Variants in CLCNKB observed in about 807,000 individuals in gnomAD.
The protein encoded by CLCNKB is chloride voltage-gated channel Kb, also known as chloride channel protein ClC-Kb.
A neutral mutation model predicts 83.8 loss-of-function variants in CLCNKB; 74 were observed. That is an observed-to-expected ratio of 0.88 (90% CI 0.73 to 1.07). The LOEUF (loss-of-function observed/expected upper bound fraction) is 1.07. CLCNKB is among the 50% of genes least tolerant of loss of function. The pLI, the probability that CLCNKB is intolerant of heterozygous loss-of-function variation, is 0.00. For synonymous variants in CLCNKB, 358 were observed against 356.6 expected, an observed-to-expected ratio of 1.00 and a Z score of -0.04; for missense variants, 798 against 893.6, an observed-to-expected ratio of 0.89 and a Z score of 1.36.
At chr1:16,049,770 T>C (rs1448790333) in intron 9 of CLCNKB, 45 bp from the exon 10 acceptor site, 1 of 1,613,362 alleles carries the variant, frequency 6.2e-7, no homozygotes. Context: ...CTGCGGCCCC[T>C]GGTACTGGGG....
chr1:16,047,009 G>T lies in CLCNKB; in HGVS notation c.358+346G>T, dbSNP rs1570330486. 2.6e-5 allele frequency among the ~76,000 whole-genome samples: 4 copies of T among 152,304 alleles called. No individual in the cohort carries two copies. In the South Asian group the frequency reaches 6.2e-4, roughly 24 times the overall value. On this transcript the variant is annotated intron_variant, in intron 4 of 19. Coordinates refer to ENST00000375679, the MANE Select transcript of CLCNKB (RefSeq NM_000085.5). ...CCAGGCCAGCAGAGGGGAGCTCAAA[G>T]CTCACTCAGTGGTGGCCTGAGATTT...
At chr1:16,051,263 G>A (rs1167668577) in intron 12 of CLCNKB, among the ~76,000 whole-genome samples, 1 of 152,176 alleles carries the variant, frequency 6.6e-6, no homozygotes, top group African/African-American at 2.4e-5. Context: ...GGAAGGCTAA[G>A]GAGGAAGAAA....
At position 16,055,670 on chromosome 1, in the gene CLCNKB, C is replaced by G. The variant is rs1183117234; in HGVS notation, c.1846-5C>G. ...CCTGCACCTGTAACCCTTCCCCACC[C>G]CCAGCAGTGTCTCCAGGACATCTTG... On this transcript the variant is annotated splice_region_variant and splice_polypyrimidine_tract_variant and intron_variant, in intron 17 of 19. Transcript: ENST00000375679. 5 of 1,613,650 alleles carry G rather than the reference C, an allele frequency of 3.1e-6. No individual in the cohort carries two copies. The African/African-American group carries it at 5.3e-5, about 17-fold the overall frequency.
intron 16 of CLCNKB, among the ~76,000 whole-genome samples, chr1:16,054,198 T>C (rs1337034169): frequency 1.3e-5 from 2 of 152,210 alleles, no homozygotes; most frequent in African/African-American, 2.4e-5. Flanking sequence ...TGGAACTCAC[T>C]TCTTGCAGAA....
chr1:16,049,861 A>G lies in CLCNKB; in HGVS notation c.913A>G (p.Ile305Val). Reference sequence around the variant, plus strand: ...CAGCGCTTACCTCTTCTGTCAGCGAATCTTCTTTGGCTTCATCAGGAACAA... The same window carrying G: ...CAGCGCTTACCTCTTCTGTCAGCGAGTCTTCTTTGGCTTCATCAGGAACAA... ...LGSAYLFCQRIFFGFIRNNRF... is the reference protein window; with the variant it reads ...LGSAYLFCQRVFFGFIRNNRF... Residue 305 changes from isoleucine (I) to valine (V), a missense_variant, in exon 10 of 20, where the codon ATC (isoleucine) becomes GTC (valine). By Grantham distance (29) the Ile-to-Val change is conservative. Coordinates refer to ENST00000375679, the MANE Select transcript of CLCNKB (RefSeq NM_000085.5). 6.2e-7 allele frequency: 1 copy of G among 1,613,820 alleles called. No individual in the cohort carries two copies. The highest frequency in any genetic ancestry group is 2.2e-5 in the East Asian group (1 of 44,868).
chr1:16,046,614 C>A lies in CLCNKB; in HGVS notation c.309C>A (p.Leu103=), dbSNP rs772320740. 6.2e-7 allele frequency: 1 copy of A among 1,614,168 alleles called. No homozygotes were observed. The highest frequency in any genetic ancestry group is 2.2e-5 in the East Asian group (1 of 44,888). ...CCTGGACTGTGTACCCTGTGGCCCT[C>A]GTCTCTTTCTCTTCAGGCTTCTCTC... ...YLSWTVYPVA[L]VSFSSGFSQS... The change falls in exon 4 of 20, where the codon CTC becomes CTA. Residue 103 remains leucine (L), a synonymous_variant. Transcript: ENST00000375679.
chr1:16,055,743 G>C lies in CLCNKB; in HGVS notation c.1914G>C (p.Glu638Asp). The C allele has an allele frequency of 6.2e-7, 1 of 1,613,880 alleles. No individual in the cohort carries two copies. Among genetic ancestry groups the C allele is most frequent in the Non-Finnish European group, 8.5e-7 (1 of 1,179,986 alleles). Residue 638 changes from glutamate (E) to aspartate (D), a missense_variant, in exon 18 of 20, where the codon GAG becomes GAC. Transcript: ENST00000375679. ...TEPVTLKLSP[E>D]TSLHEAHNLF... ...CAGTGACCCTGAAGCTGTCCCCAGA[G>C]ACTTCCCTGCATGAGGTAACGGGGA... is the stretch of plus-strand genomic sequence containing the variant.
Position 16,045,629 on chromosome 1 carries a change from G to C in CLCNKB, c.172G>C (p.Val58Leu), listed in dbSNP as rs144043939. ...CTGGTACTTCCTGATGACCCTCGGG[G>C]TGCTCATGGCCCTGGTCAGCTGTGC... Reference protein sequence around the residue: ...EDWYFLMTLGVLMALVSCAMD... With the variant: ...EDWYFLMTLGLLMALVSCAMD... The change falls in exon 3 of 20, where the codon GTG (valine) becomes CTG (leucine). Residue 58 changes from valine (V) to leucine (L), a missense_variant. Val to Leu is a conservative substitution (Grantham distance 32). Coordinates refer to ENST00000375679, the MANE Select transcript of CLCNKB (RefSeq NM_000085.5). The C allele has an allele frequency of 1.2e-6, 2 of 1,614,120 alleles. No individual in the cohort carries two copies. The highest frequency in any genetic ancestry group is 2.2e-5 in the East Asian group (1 of 44,872).
intron 10 of CLCNKB, 45 bp from the exon 11 acceptor site, chr1:16,050,471 G>A: frequency 6.3e-7 from 1 of 1,594,364 alleles, no homozygotes; most frequent in African/African-American, 1.3e-5. Context: ...TCCTTGGGAT[G>A]TGGGAAAGGG....
intron 7 of CLCNKB, 109 bp downstream of exon 7, chr1:16,048,691 A>T (rs932608729): frequency 1.0e-4 from 155 of 1,544,988 alleles, no homozygotes; most frequent in Middle Eastern, 2.3e-4. Flanking sequence ...GGCTCATTCT[A>T]GTTCTCACTT....
At chr1:16,051,090 G>A (rs1165983953) in intron 12 of CLCNKB, 42 bp downstream of exon 12, 7 of 1,610,420 alleles carry the variant, frequency 4.3e-6, no homozygotes, top group Non-Finnish European at 5.9e-6. Context: ...GCTGGGACCA[G>A]CTCTGGTGGT....
Position 16,053,699 on chromosome 1 carries a change from C to G in CLCNKB, c.1683C>G (p.Asp561Glu), listed in dbSNP as rs762702674. The G allele has an allele frequency of 4.3e-6, 7 of 1,613,884 alleles. No homozygotes were observed. Among genetic ancestry groups the G allele is most frequent in the Non-Finnish European group, 5.9e-6 (7 of 1,180,014 alleles). Residue 561 changes from aspartate (D) to glutamate (E), a missense_variant, in exon 16 of 20, where the codon GAC becomes GAG. Transcript: ENST00000375679. Reference protein sequence around the residue: ...MNHSITTLAKDMPLEEVVKVV... With the variant: ...MNHSITTLAKEMPLEEVVKVV... ...ACAGCATCACCACACTGGCCAAGGA[C>G]ATGCCACTGGAGGAGGTGGTCAAGG...
chr1:16,052,266 G>A lies in CLCNKB; in HGVS notation c.1477G>A (p.Gly493Ser), dbSNP rs777095700. 1.9e-5 allele frequency: 31 copies of A among 1,613,216 alleles called. No individual in the cohort carries two copies. The highest frequency in any genetic ancestry group is 3.3e-5 in the South Asian group (3 of 91,088). Residue 493 changes from glycine to serine, a missense_variant, in exon 15 of 20, where the codon GGC becomes AGC. By Grantham distance (56) the Gly-to-Ser change is moderately conservative. Coordinates refer to ENST00000375679, the MANE Select transcript of CLCNKB (RefSeq NM_000085.5). ...STALLAFEVT[G>S]QIVHALPVLM... ...GGCGCTGCTGGCCTTCGAGGTGACC[G>A]GCCAGATAGTGCATGCACTGCCCGT...
intron 1 of CLCNKB, 130 bp from the exon 2 acceptor site, chr1:16,044,356 T>TACATACACACACAC (rs1553127094): frequency 1.9e-5 from 7 of 375,302 alleles, no homozygotes; most frequent in Admixed American, 4.5e-5. Flanking sequence ...TAACTTCACA[T>TACATACACACACAC]ACACACACAC....
chr1:16,055,673 A>G lies in CLCNKB; in HGVS notation c.1846-2A>G. 6.2e-7 allele frequency: 1 copy of G among 1,613,758 alleles called. No individual in the cohort carries two copies. The highest frequency in any genetic ancestry group is 8.5e-7 in the Non-Finnish European group (1 of 1,179,976). On this transcript the variant is annotated splice_acceptor_variant, in intron 17 of 19. Transcript: ENST00000375679. LOFTEE classifies it high-confidence loss of function. Reference sequence around the variant, plus strand: ...GCACCTGTAACCCTTCCCCACCCCCAGCAGTGTCTCCAGGACATCTTGGCT... The same window carrying G: ...GCACCTGTAACCCTTCCCCACCCCCGGCAGTGTCTCCAGGACATCTTGGCT...
rs975873015 is a variant in CLCNKB at position 16,048,136 on chromosome 1, G to A, written c.498+92G>A. 7 of 1,514,494 alleles carry A rather than the reference G, an allele frequency of 4.6e-6. No homozygotes were observed. In the African/African-American group the frequency reaches 9.6e-5, roughly 21 times the overall value. 93.8% of individuals were successfully genotyped at this position (1,514,494 alleles called of 1,614,324 possible). ...CACCCCACGAAAGCTGCGTCAGAGGGGACTTGGGCTGGTCCCTGCCTTCCA... is the reference window on the plus strand; with the variant it reads ...CACCCCACGAAAGCTGCGTCAGAGGAGACTTGGGCTGGTCCCTGCCTTCCA... On this transcript the variant is annotated intron_variant, in intron 5 of 19. Transcript: ENST00000375679.
rs758155386 is a variant in CLCNKB at position 16,046,702 on chromosome 1, AACC to A, written c.358+40_358+42del. ...CGCTACGCCAGTCCCCACTGGCCAA[AACC>A]TTCTCAGATCCCAGGGGGGAGTCGG... On this transcript the variant is annotated intron_variant, in intron 4 of 19. Coordinates refer to ENST00000375679, the MANE Select transcript of CLCNKB (RefSeq NM_000085.5). 8.1e-5 allele frequency: 124 copies of A among 1,537,112 alleles called. 1 individual carries two copies. The African/African-American group carries it at 1.6e-3, about 20-fold the overall frequency.
intron 15 of CLCNKB, 73 bp downstream of exon 15, chr1:16,052,484 C>T (rs571070732): frequency 1.0e-5 from 16 of 1,598,526 alleles, no homozygotes; most frequent in Admixed American, 3.4e-5. Flanking sequence ...AAGGGCACCT[C>T]GAAAAAGAAA....
In CLCNKB at chr1:16,051,781, A is replaced by G. The variant is rs772955248; in HGVS notation, c.1369A>G (p.Ile457Val). 1.2e-6 allele frequency: 2 copies of G among 1,613,740 alleles called. No individual in the cohort carries two copies. The highest frequency in any genetic ancestry group is 1.1e-5 in the South Asian group (1 of 91,076). Residue 457 changes from isoleucine to valine, a missense_variant, in exon 14 of 20, where the codon ATC (isoleucine) becomes GTC (valine). Physicochemically the swap from Ile to Val is conservative, Grantham distance 29 (BLOSUM62 3). Transcript: ENST00000375679. ...CCCTGAGGGCATCGTGGCTGGAGGG[A>G]TCACCAATCCCATCATGCCAGGGGG... is the stretch of plus-strand genomic sequence containing the variant. ...IFPEGIVAGG[I>V]TNPIMPGGYA... is the part of the protein sequence containing the mutation.
Sources: gnomAD v4.1 joint callset for allele counts (sites outside exome capture counted in the v4.1 genomes callset) on GRCh38, gnomAD v4.1.1 for gene constraint, MANE v1.5 for transcripts, NCBI Gene and HGNC (gene_info 2026-07-23, HGNC 2026-07-21) for gene names.